The following FUT8 variants were observed in gnomAD, a reference collection of about 807,000 sequenced individuals.
FUT8 encodes the protein alpha-(1,6)-fucosyltransferase.
In FUT8, 29 loss-of-function variants were observed where a neutral mutation model predicts 71.3. The observed-to-expected ratio is 0.41, with a 90% confidence interval of 0.30 to 0.55. The LOEUF (loss-of-function observed/expected upper bound fraction) is 0.55. Ranked by LOEUF, FUT8 falls within the 20% of genes least tolerant of loss-of-function variation. The probability of loss-of-function intolerance (pLI) is 0.34; values close to 1 mark genes in which losing one functional copy is unlikely to be tolerated. For synonymous variants in FUT8, 254 were observed against 239.3 expected (o/e 1.06, Z -0.57); for missense variants, 544 against 702.1 (o/e 0.77, Z 2.55).
intron 2 of FUT8, among the ~76,000 whole-genome samples, chr14:65,544,982 CCTTCCCCTCCTCTCCTCTTT>C (rs1435304586): frequency 2.0e-5 from 3 of 151,852 alleles, no homozygotes; most frequent in East Asian, 1.9e-4. Flanking sequence ...CTCTCCTCTT[CCTTCCCCTCCTCTCCTCTTT>C]CTTCCCCTCC....
chr14:65,659,545 C>T (rs879941838), intron 6 of FUT8, among the ~76,000 whole-genome samples: 4 of 152,102 alleles, frequency 2.6e-5, no homozygotes, highest in Non-Finnish European at 5.9e-5. Flanking sequence ...TTTCCTTTTG[C>T]AAGTACTTCA....
intron 7 of FUT8, among the ~76,000 whole-genome samples, chr14:65,714,293 C>A (rs1003824657): frequency 2.0e-4 from 30 of 152,086 alleles, no homozygotes; most frequent in African/African-American, 7.2e-4. Flanking sequence ...TATGCTAGTG[C>A]CATGCTGTTT....
intron 1 of FUT8, among the ~76,000 whole-genome samples, chr14:65,447,824 C>A (rs547075544): frequency 6.6e-6 from 1 of 152,210 alleles, no homozygotes; most frequent in East Asian, 1.9e-4. Flanking sequence ...TATGTTATTT[C>A]TGAGATCACA....
intron 9 of FUT8, among the ~76,000 whole-genome samples, chr14:65,729,954 G>T (rs927416572): frequency 6.6e-6 from 1 of 151,456 alleles, no homozygotes; most frequent in Non-Finnish European, 1.5e-5. Flanking sequence ...GTCGTTTCTC[G>T]GGGATTTAAA....
chr14:65,426,196 G>T (rs2065384895), intron 1 of FUT8, among the ~76,000 whole-genome samples: 1 of 152,022 alleles, frequency 6.6e-6, no homozygotes, highest in Admixed American at 6.6e-5. Context: ...ATATAAGTAA[G>T]ATCATGTAGT....
chr14:65,577,345 G>A lies in FUT8; in HGVS notation c.203+15579G>A, dbSNP rs188757808. 6.1e-3 allele frequency among the ~76,000 whole-genome samples: 922 copies of A among 152,136 alleles called. 9 individuals are homozygous for A. Among genetic ancestry groups the A allele is most frequent in the Non-Finnish European group, 7.6e-3 (519 of 68,008 alleles). On this transcript the variant is annotated intron_variant, in intron 3 of 10. Transcript: ENST00000673929. ...ACAATCTAGTGAAATGAAAGGCCTG[G>A]GCTTCTCAGATTTGGATTTGGATCC... is the stretch of plus-strand genomic sequence containing the variant.
intron 1 of FUT8, among the ~76,000 whole-genome samples, chr14:65,449,715 G>T (rs1021409528): frequency 6.6e-6 from 1 of 152,180 alleles, no homozygotes; most frequent in African/African-American, 2.4e-5. Context: ...ATTCTTCATA[G>T]TGAGCAGCCT....
At chr14:65,581,318 A>G (rs1193537378) in intron 3 of FUT8, among the ~76,000 whole-genome samples, 1 of 152,126 alleles carries the variant, frequency 6.6e-6, no homozygotes, top group Non-Finnish European at 1.5e-5. Context: ...AAAATTCATA[A>G]CAGAATAAGA....
chr14:65,670,699 G>A (rs1418143683), intron 7 of FUT8, among the ~76,000 whole-genome samples: 1 of 151,916 alleles, frequency 6.6e-6, no homozygotes, highest in African/African-American at 2.4e-5. Context: ...AGTAACTTTG[G>A]TTCCTTCATT....
the FUT8 span, among the ~76,000 whole-genome samples, chr14:65,392,320 C>G: frequency 1.3e-5 from 2 of 152,336 alleles, no homozygotes; most frequent in South Asian, 4.1e-4. Context: ...CTTTGAGTGT[C>G]TGATACCCCT....
At chr14:65,514,175 G>A (rs1368839145) in intron 2 of FUT8, among the ~76,000 whole-genome samples, 6 of 152,162 alleles carry the variant, frequency 3.9e-5, no homozygotes, top group African/African-American at 1.2e-4. Context: ...AGGCAGGGTT[G>A]TCCCAGTTGT....
At chr14:65,407,092 C>A (rs918651227), upstream of FUT8, among the ~76,000 whole-genome samples, 1 of 152,148 alleles carries the variant, frequency 6.6e-6, no homozygotes, top group Admixed American at 6.5e-5. Flanking sequence ...GACCTTCAAA[C>A]TGGGGGGCCA....
chr14:65,640,035 T>C (rs1890753597), intron 6 of FUT8, among the ~76,000 whole-genome samples: 1 of 152,124 alleles, frequency 6.6e-6, no homozygotes, highest in African/African-American at 2.4e-5. Flanking sequence ...AGCAATTTGA[T>C]TGTAAGCTCT....
chr14:65,566,046 T>G (rs1886176013), intron 3 of FUT8, among the ~76,000 whole-genome samples: 2 of 151,960 alleles, frequency 1.3e-5, no homozygotes, highest in Admixed American at 1.3e-4. Context: ...CAGCTAGGCT[T>G]TTTTTCTAAT....
intron 3 of FUT8, among the ~76,000 whole-genome samples, chr14:65,615,044 T>C (rs1889210505): frequency 1.3e-5 from 2 of 152,176 alleles, no homozygotes; most frequent in South Asian, 4.1e-4. Context: ...TTTATATTAT[T>C]GACTGATTGT....
chr14:65,518,505 T>C lies in FUT8; in HGVS notation c.-227-42832T>C, dbSNP rs369974273. On this transcript the variant is annotated intron_variant, in intron 2 of 10. Transcript: ENST00000673929. ...TAAGTCACTGTAAGAACAGTGACTG[T>C]GGCTTCATTTTTATTTATTTTATTT... Among the ~76,000 whole-genome samples, 14 of 152,210 alleles carry C rather than the reference T, an allele frequency of 9.2e-5. 3 individuals are homozygous for C. Among genetic ancestry groups the C allele is most frequent in the African/African-American group, 3.4e-4 (14 of 41,534 alleles).
chr14:65,422,277 C>T lies in FUT8; in HGVS notation c.-326+9063C>T, dbSNP rs569555505. On this transcript the variant is annotated intron_variant, in intron 1 of 10. Coordinates refer to ENST00000673929, the MANE Select transcript of FUT8 (RefSeq NM_001371533.1). ...ACTGGGAGCTGGTGTTTATCTTTTC[C>T]CTTCAAGGCTTGGGGGTTTGTAGCA... Among the ~76,000 whole-genome samples, 13 of 152,092 alleles carry T rather than the reference C, an allele frequency of 8.5e-5. No individual in the cohort carries two copies. In the East Asian group the frequency reaches 2.3e-3, roughly 27 times the overall value.
chr14:65,468,827 C>T (rs1167389957), intron 2 of FUT8, among the ~76,000 whole-genome samples: 1 of 152,062 alleles, frequency 6.6e-6, no homozygotes, highest in Non-Finnish European at 1.5e-5. Context: ...CAGGATCTCA[C>T]TCTGTCACCC....
intron 1 of FUT8, among the ~76,000 whole-genome samples, chr14:65,427,209 G>A (rs964533011): frequency 3.3e-5 from 5 of 152,108 alleles, no homozygotes; most frequent in East Asian, 3.9e-4. Context: ...GGACGCTTAC[G>A]TTGACTCCAT....
Sources: allele counts gnomAD v4.1 joint callset (sites outside exome capture counted in the v4.1 genomes callset), GRCh38; gene constraint gnomAD v4.1.1; transcripts MANE v1.5; gene names NCBI Gene and HGNC (gene_info 2026-07-23, HGNC 2026-07-21).